ABR: variants seen among roughly 807,000 people sequenced by gnomAD.
ABR encodes ABR activator of RhoGEF and GTPase, also known as active breakpoint cluster region-related protein.
ABR carries 35 observed loss-of-function variants against 107.2 expected under a neutral mutation model. That is an observed-to-expected ratio of 0.33 (90% CI 0.25 to 0.43). ABR has a LOEUF of 0.43. Ranked by LOEUF, ABR falls within the 20% of genes least tolerant of loss-of-function variation. The probability of loss-of-function intolerance (pLI) is 1.00; values close to 1 mark genes in which losing one functional copy is unlikely to be tolerated. For missense variants in ABR, 815 were observed against 1,115.2 expected (o/e 0.73, Z 3.83); for synonymous variants, 498 against 462.0 (o/e 1.08, Z -1.00).
chr17:1,146,149 G>A (rs889152682), intron 1 of ABR, among the ~76,000 whole-genome samples: 1 of 152,068 alleles, frequency 6.6e-6, no homozygotes, highest in Non-Finnish European at 1.5e-5. Flanking sequence ...TTGGACATTC[G>A]ACGTCACCAT....
chr17:1,136,254 A>G (rs12946531), intron 1 of ABR, among the ~76,000 whole-genome samples: 67,342 of 151,844 alleles, frequency 0.44, 15,312 homozygotes, highest in East Asian at 0.55. Context: ...TTTGAAATAG[A>G]GTCTGGCTCT....
At chr17:1,113,905 C>T (rs904386787) in intron 2 of ABR, among the ~76,000 whole-genome samples, 3 of 152,192 alleles carry the variant, frequency 2.0e-5, no homozygotes, top group East Asian at 1.9e-4. Flanking sequence ...CAGTGGCTTA[C>T]GCCTGAAATC....
intron 1 of ABR, among the ~76,000 whole-genome samples, chr17:1,145,986 A>G (rs991558439): frequency 4.6e-5 from 7 of 152,060 alleles, no homozygotes; most frequent in Non-Finnish European, 7.4e-5. Flanking sequence ...ACATAATTCT[A>G]CTGTTGAACT....
intron 1 of ABR, among the ~76,000 whole-genome samples, chr17:1,166,155 C>T: frequency 6.6e-6 from 1 of 152,070 alleles, no homozygotes; most frequent in South Asian, 2.1e-4. Flanking sequence ...ATTCTCAGCT[C>T]TATTTTTACT....
At chr17:1,060,759 G>A (rs1472698888) in intron 10 of ABR, among the ~76,000 whole-genome samples, 9 of 152,126 alleles carry the variant, frequency 5.9e-5, no homozygotes, top group South Asian at 4.1e-4. Context: ...TTGGGAGGCC[G>A]GGGCGGGTGG....
rs753708662 is a variant in ABR at position 1,079,303 on chromosome 17, T to G, written c.700+27A>C. 8.1e-6 allele frequency: 13 copies of G among 1,609,640 alleles called. No homozygotes were observed. The East Asian group carries it at 2.0e-4, about 25-fold the overall frequency. On this transcript the variant is annotated intron_variant, in intron 6 of 22. Transcript: ENST00000302538. ...GCACAGCCAGACAAAGGTAGGTGCC[T>G]GTAATCCAGCCCGCTCCCCGAGGTA... is the stretch of plus-strand genomic sequence containing the variant.
rs540642114 is a variant in ABR at position 1,005,544 on chromosome 17, G to A, written c.*536C>T. On this transcript the variant is annotated 3_prime_UTR_variant, in exon 23 of 23. Coordinates refer to ENST00000302538, the MANE Select transcript of ABR (RefSeq NM_021962.5). ...AGGGCCTCTTCAGAGCTTTCAAGGC[G>A]ATGGAGCGAAGACCAAGGGTGCACA... 1.2e-4 allele frequency: 23 copies of A among 194,540 alleles called. No individual in the cohort carries two copies. The highest frequency in any genetic ancestry group is 4.4e-4 in the African/African-American group (19 of 43,270). 12.1% of individuals were successfully genotyped at this position (194,540 alleles called of 1,614,324 possible).
chr17:1,052,414 C>G (rs1325714005), intron 14 of ABR, among the ~76,000 whole-genome samples: 10 of 74,388 alleles, frequency 1.3e-4, no homozygotes, highest in East Asian at 3.7e-4. Flanking sequence ...GGGAGGGTTC[C>G]GGAAGGGGCT....
At chr17:1,127,787 G>C (rs376433327) in intron 1 of ABR, among the ~76,000 whole-genome samples, 18 of 151,662 alleles carry the variant, frequency 1.2e-4, no homozygotes, top group African/African-American at 3.9e-4. Flanking sequence ...AAGATCAACG[G>C]GGGGGAAGGG....
At chr17:1,038,996 C>A (rs1389391686) in intron 16 of ABR, among the ~76,000 whole-genome samples, 1 of 152,184 alleles carries the variant, frequency 6.6e-6, no homozygotes. Context: ...ATGCCACGGA[C>A]CCGAGAGGAC....
At chr17:1,066,680 C>A (rs948362713) in intron 10 of ABR, among the ~76,000 whole-genome samples, 2 of 152,108 alleles carry the variant, frequency 1.3e-5, no homozygotes, top group Non-Finnish European at 2.9e-5. Context: ...AGGTGCCCAC[C>A]ACCACACTCT....
intron 1 of ABR, among the ~76,000 whole-genome samples, chr17:1,149,094 G>A (rs886492674): frequency 5.3e-5 from 8 of 151,776 alleles, no homozygotes; most frequent in South Asian, 2.1e-4. Flanking sequence ...TAGTAGAGAC[G>A]GGGTTTCACC....
At position 1,005,828 on chromosome 17, in the gene ABR, A is replaced by C; in HGVS notation, c.*252T>G. On this transcript the variant is annotated 3_prime_UTR_variant, in exon 23 of 23. Coordinates refer to ENST00000302538, the MANE Select transcript of ABR (RefSeq NM_021962.5). ...AGTGTACATAAAACAATTCCCGAAC[A>C]GCACGGAGCATCAGACACAACTAGA... The C allele has an allele frequency of 1.8e-6, 1 of 556,812 alleles. No individual in the cohort carries two copies. The highest frequency in any genetic ancestry group is 3.2e-6 in the Non-Finnish European group (1 of 310,810). 34.5% of individuals were successfully genotyped at this position (556,812 alleles called of 1,614,324 possible).
intron 16 of ABR, among the ~76,000 whole-genome samples, chr17:1,021,739 G>A (rs1037038135): frequency 6.6e-6 from 1 of 152,090 alleles, no homozygotes; most frequent in Middle Eastern, 3.4e-3. Context: ...GGGAGGCGGA[G>A]GTTGCAGTGA....
At chr17:1,144,393 G>A (rs1384309032) in intron 1 of ABR, among the ~76,000 whole-genome samples, 3 of 151,976 alleles carry the variant, frequency 2.0e-5, no homozygotes, top group Non-Finnish European at 2.9e-5. Context: ...GGGATTCAAC[G>A]AGGTGGGCAT....
At chr17:1,125,044 A>T in intron 2 of ABR, 139 bp downstream of exon 2, 1 of 835,182 alleles carries the variant, frequency 1.2e-6, no homozygotes. Context: ...GGACGAGATG[A>T]CGAGGCACCA....
At chr17:1,030,582 A>T in intron 16 of ABR, among the ~76,000 whole-genome samples, 1 of 152,184 alleles carries the variant, frequency 6.6e-6, no homozygotes. Flanking sequence ...TCCAGGGCTG[A>T]TGTCACCTCT....
intron 1 of ABR, among the ~76,000 whole-genome samples, chr17:1,166,662 C>T (rs2041521394): frequency 6.6e-6 from 1 of 152,194 alleles, no homozygotes; most frequent in South Asian, 2.1e-4. Flanking sequence ...TGGTCCTTCC[C>T]ATCCAGTGTG....
intron 1 of ABR, among the ~76,000 whole-genome samples, chr17:1,199,314 A>G (rs2042628994): frequency 6.6e-6 from 1 of 150,926 alleles, no homozygotes; most frequent in African/African-American, 2.5e-5. Flanking sequence ...TGCAATTAAC[A>G]CACTGGCAGG....
Sources: gnomAD v4.1 joint callset for allele counts (sites outside exome capture counted in the v4.1 genomes callset) on GRCh38, gnomAD v4.1.1 for gene constraint, MANE v1.5 for transcripts, NCBI Gene and HGNC (gene_info 2026-07-23, HGNC 2026-07-21) for gene names.